The following MUC5AC variants were observed in gnomAD, a reference collection of about 807,000 sequenced individuals.
MUC5AC encodes the protein mucin 5AC, oligomeric mucus/gel-forming, also known as mucin-5AC.
Under a neutral mutation model 169.7 loss-of-function variants are expected in MUC5AC, and 158 were observed. The observed-to-expected ratio is 0.93, with a 90% CI of 0.82 to 1.06. The LOEUF (loss-of-function observed/expected upper bound fraction) is 1.06, where lower values mean the gene tolerates loss of function less well. MUC5AC is among the 50% of genes least tolerant of loss of function. The pLI is 0.00. For missense variants in MUC5AC, 4,359 were observed against 3,089.9 expected (o/e 1.41, Z -9.74); for synonymous variants, 1,975 against 1,237.0 (o/e 1.60, Z -12.52).
Position 1,178,587 on chromosome 11 carries a change from C to G in MUC5AC, c.3231C>G (p.Pro1077=). 1.4e-6 allele frequency: 2 copies of G among 1,414,530 alleles called. No homozygotes were observed. The highest frequency in any genetic ancestry group is 2.7e-5 in the East Asian group (1 of 36,836). The allele number at this position is 1,414,530 out of a possible 1,614,324, so 87.6% of individuals were successfully genotyped here. Residue 1077 remains proline, a synonymous_variant, in exon 25 of 49, where the codon CCC becomes CCG. Transcript: ENST00000621226. ...CCTCCTGCCCAGATGCCCTGGCGCC[C>G]AAGGACCCCTGCACGGCCAACCCCT... ...LSPSCPDALA[P]KDPCTANPFR...
In MUC5AC at chr11:1,165,436, C is replaced by A. The variant is rs1187907905; in HGVS notation, c.1247+17C>A. The A allele has an allele frequency of 3.4e-6, 5 of 1,455,702 alleles. No individual in the cohort carries two copies. The highest frequency in any genetic ancestry group is 1.8e-4 in the Middle Eastern group (1 of 5,432). The allele number at this position is 1,455,702 out of a possible 1,614,324, so 90.2% of individuals were successfully genotyped here. On this transcript the variant is annotated intron_variant, in intron 10 of 48. Transcript: ENST00000621226. ...CACCAACTGGTAGGTCCCAGCCCCCCTCCAGGCCACCAAGGATGTGCTATG... is the reference window on the plus strand; with the variant it reads ...CACCAACTGGTAGGTCCCAGCCCCCATCCAGGCCACCAAGGATGTGCTATG...
In MUC5AC at chr11:1,161,988, G is replaced by A. The variant is rs771896004; in HGVS notation, c.293G>A (p.Arg98His). 5.6e-6 allele frequency: 9 copies of A among 1,612,356 alleles called. No individual in the cohort carries two copies. The highest frequency in any genetic ancestry group is 1.6e-4 in the Middle Eastern group (1 of 6,062). ...HYKTFDGDVF[R>H]FPGLCNYVFS... ...AAGACCTTCGACGGCGACGTCTTCC[G>A]CTTCCCCGGCCTCTGCAACTACGTG... The change falls in exon 4 of 49, where the codon CGC (arginine) becomes CAC (histidine). Residue 98 changes from arginine to histidine, a missense_variant. Physicochemically the swap from Arg to His is conservative, Grantham distance 29. Coordinates refer to ENST00000621226, the MANE Select transcript of MUC5AC (RefSeq NM_001304359.2).
chr11:1,163,767 C>A, intron 6 of MUC5AC, 115 bp from the exon 7 acceptor site: 1 of 779,864 alleles, frequency 1.3e-6, no homozygotes, highest in Non-Finnish European at 2.1e-6. Context: ...CAGGAGCCAC[C>A]GATGGCCCTT....
In MUC5AC at chr11:1,165,318, C is replaced by CA; in HGVS notation, c.1147dup (p.Ile383AsnfsTer64). On this transcript the variant is annotated frameshift_variant, in exon 10 of 49. Coordinates refer to ENST00000621226, the MANE Select transcript of MUC5AC (RefSeq NM_001304359.2). LOFTEE classifies it high-confidence loss of function. Reference sequence around the variant, plus strand: ...CCCCTGCAGGGACGGTGCTTGACGACATCGGCCAGACCGGCTGTGTCCCTG... The same window carrying CA: ...CCCCTGCAGGGACGGTGCTTGACGACAATCGGCCAGACCGGCTGTGTCCCTG... The CA allele has an allele frequency of 2.5e-6, 4 of 1,612,100 alleles. No individual in the cohort carries two copies. The highest frequency in any genetic ancestry group is 3.4e-6 in the Non-Finnish European group (4 of 1,179,600).
intron 16 of MUC5AC, among the ~76,000 whole-genome samples, chr11:1,173,105 T>C (rs1259393617): frequency 4.0e-3 from 295 of 73,622 alleles, no homozygotes; most frequent in African/African-American, 0.033. Flanking sequence ...CACTCACTCA[T>C]TCATTCACTC....
intron 11 of MUC5AC, 104 bp from the exon 12 acceptor site, chr11:1,167,773 G>A: frequency 5.2e-6 from 5 of 953,890 alleles, no homozygotes; most frequent in East Asian, 2.6e-5. Context: ...GGTGGAGTGG[G>A]GTTTTCTAGT....
At chr11:1,179,950 A>T (rs879094481) in intron 26 of MUC5AC, 72 bp from the exon 27 acceptor site, 226,350 of 397,978 alleles carry the variant, frequency 0.57, 65,916 homozygotes, top group East Asian at 0.65. Context: ...CGGCTTTAGA[A>T]CAGCCCTGGG....
chr11:1,182,901 G>A lies in MUC5AC; in HGVS notation c.4756G>A (p.Glu1586Lys), dbSNP rs878969147. 1.4e-4 allele frequency: 57 copies of A among 398,692 alleles called. No homozygotes were observed. Among genetic ancestry groups the A allele is most frequent in the Non-Finnish European group, 2.2e-4 (49 of 226,230 alleles). The allele number at this position is 398,692 out of a possible 1,614,324, so 24.7% of individuals were successfully genotyped here. The change falls in exon 31 of 49, where the codon GAG (glutamate) becomes AAG (lysine). Residue 1586 changes from glutamate to lysine, a missense_variant. Transcript: ENST00000621226. ...CCTGCAGGAGCTTTGCACCTGGACC[G>A]AGTGGATCGATGGCAGCTACCCTGC... ...SCLQELCTWT[E>K]WIDGSYPAPG...
intron 6 of MUC5AC, 39 bp from the exon 7 acceptor site, chr11:1,163,843 G>C (rs750804199): frequency 1.3e-6 from 2 of 1,509,090 alleles, no homozygotes; most frequent in South Asian, 2.4e-5. Flanking sequence ...GACGGGTACC[G>C]GGACCTGCAG....
At position 1,164,392 on chromosome 11, in the gene MUC5AC, C is replaced by G. The variant is rs562822413; in HGVS notation, c.1004-15C>G. On this transcript the variant is annotated splice_polypyrimidine_tract_variant and intron_variant, in intron 8 of 48. Transcript: ENST00000621226. ...AGGGGCAGGCAGACGTGAGCCCTCT[C>G]TCTGCCTCCCGCAGCCCAGAAGTGC... The G allele has an allele frequency of 6.2e-7, 1 of 1,612,144 alleles. No individual in the cohort carries two copies. The highest frequency in any genetic ancestry group is 8.5e-7 in the Non-Finnish European group (1 of 1,179,644).
chr11:1,162,871 C>T (rs1860186033), intron 5 of MUC5AC, 84 bp from the exon 6 acceptor site: 2 of 1,382,650 alleles, frequency 1.4e-6, no homozygotes, highest in Admixed American at 1.7e-5. Flanking sequence ...GGGCCTCGGC[C>T]CCTCCTCGGA....
In MUC5AC at chr11:1,191,951, C is replaced by A. The variant is rs1439891928; in HGVS notation, c.13806C>A (p.Thr4602=). The change falls in exon 31 of 49, where the codon ACC becomes ACA. Residue 4602 remains threonine, a synonymous_variant. Transcript: ENST00000621226. ...TPSPVPTTST[T]PVSKTSTSHL... is the part of the protein sequence containing the mutation. Reference sequence around the variant, plus strand: ...GCCCCGTTCCCACCACCAGCACAACCCCTGTTTCAAAGACCAGCACAAGCC... The same window carrying A: ...GCCCCGTTCCCACCACCAGCACAACACCTGTTTCAAAGACCAGCACAAGCC... 1.3e-6 allele frequency: 1 copy of A among 765,282 alleles called. No homozygotes were observed. The highest frequency in any genetic ancestry group is 1.7e-5 in the Admixed American group (1 of 59,042). The allele number at this position is 765,282 out of a possible 1,614,324, so 47.4% of individuals were successfully genotyped here. A position where few individuals can be genotyped will look rare whatever the true frequency, so the allele number is the denominator to read the frequency against.
chr11:1,192,081 C>G lies in MUC5AC; in HGVS notation c.13936C>G (p.Pro4646Ala), dbSNP rs1861128766. ...CGACGTGGACTTCCCATCCCCTGGA[C>G]CCCACGGCGGGGACAAGGAAACCTA... ...WFDVDFPSPG[P>A]HGGDKETYNN... Residue 4646 changes from proline (P) to alanine (A), a missense_variant, in exon 31 of 49, where the codon CCC becomes GCC. Transcript: ENST00000621226. 1.3e-6 allele frequency: 1 copy of G among 765,008 alleles called. No homozygotes were observed. Among genetic ancestry groups the G allele is most frequent in the Admixed American group, 1.7e-5 (1 of 59,018 alleles). 47.4% of individuals were successfully genotyped at this position (765,008 alleles called of 1,614,324 possible).
rs1564909018 is a variant in MUC5AC at position 1,168,704 on chromosome 11, C to A, written c.1630C>A (p.Gln544Lys). The A allele has an allele frequency of 1.2e-6, 2 of 1,610,630 alleles. No homozygotes were observed. The highest frequency in any genetic ancestry group is 1.7e-6 in the Non-Finnish European group (2 of 1,178,216). ...CATCGCCCAGACCAGCCTGGGCCTG[C>A]AGCTGAACCTGCAGCTGGTGCCCAC... The part of the protein sequence containing the change: ...FIIAQTSLGL[Q>K]LNLQLVPTMQ... The change falls in exon 14 of 49, where the codon CAG (glutamine) becomes AAG (lysine). Residue 544 changes from glutamine (Q) to lysine (K), a missense_variant. Transcript: ENST00000621226.
In MUC5AC at chr11:1,165,417, C is replaced by A. The variant is rs373923677; in HGVS notation, c.1245C>A (p.Asn415Lys). The A allele has an allele frequency of 1.6e-4, 251 of 1,588,584 alleles. No individual in the cohort carries two copies. The highest frequency in any genetic ancestry group is 1.7e-4 in the Middle Eastern group (1 of 5,892). Reference sequence around the variant, plus strand: ...CCACCTACTCCACAGACTGCACCAACTGGTAGGTCCCAGCCCCCCTCCAGG... The same window carrying A: ...CCACCTACTCCACAGACTGCACCAAATGGTAGGTCCCAGCCCCCCTCCAGG... ...PGATYSTDCTNCTCSGGRWSC... is the reference protein window; with the variant it reads ...PGATYSTDCTKCTCSGGRWSC... The change falls in exon 10 of 49, where the codon AAC (asparagine) becomes AAA (lysine). Residue 415 changes from asparagine to lysine, a missense_variant and splice_region_variant. Physicochemically the swap from Asn to Lys is moderately conservative, Grantham distance 94 (BLOSUM62 0). Transcript: ENST00000621226.
intron 1 of MUC5AC, among the ~76,000 whole-genome samples, chr11:1,158,274 G>A (rs965800518): frequency 2.0e-5 from 3 of 152,336 alleles, no homozygotes; most frequent in Non-Finnish European, 2.9e-5. Flanking sequence ...TGGGCTTCGC[G>A]GACCTCTGAG....
In MUC5AC at chr11:1,192,340, C is replaced by A. The variant is rs80315560; in HGVS notation, c.14195C>A (p.Pro4732Gln). 3 of 765,108 alleles carry A rather than the reference C, an allele frequency of 3.9e-6. No individual in the cohort carries two copies. The highest frequency in any genetic ancestry group is 7.2e-6 in the Non-Finnish European group (3 of 417,898). The allele number at this position is 765,108 out of a possible 1,614,324, so 47.4% of individuals were successfully genotyped here. ...VLCCETPRGC[P>Q]VTSVTPYGTS... is the part of the protein sequence containing the mutation. Reference sequence around the variant, plus strand: ...TGCTGCGAGACCCCCAGAGGCTGCCCGGTGACCTCTGTGACCCCATATGGG... The same window carrying A: ...TGCTGCGAGACCCCCAGAGGCTGCCAGGTGACCTCTGTGACCCCATATGGG... Residue 4732 changes from proline (P) to glutamine (Q), a missense_variant, in exon 31 of 49, where the codon CCG (proline) becomes CAG (glutamine). Coordinates refer to ENST00000621226, the MANE Select transcript of MUC5AC (RefSeq NM_001304359.2).
At position 1,162,640 on chromosome 11, in the gene MUC5AC, C is replaced by A. The variant is rs747485376; in HGVS notation, c.582C>A (p.Ser194Arg). 4.3e-6 allele frequency: 7 copies of A among 1,612,544 alleles called. No individual in the cohort carries two copies. The highest frequency in any genetic ancestry group is 5.9e-6 in the Non-Finnish European group (7 of 1,179,668). Residue 194 changes from serine to arginine, a missense_variant, in exon 5 of 49, where the codon AGC becomes AGA. Ser to Arg is a moderately radical substitution (Grantham distance 110). Coordinates refer to ENST00000621226, the MANE Select transcript of MUC5AC (RefSeq NM_001304359.2). ...GLVLMWNHDDSLLLELDTKYA... is the reference protein window; with the variant it reads ...GLVLMWNHDDRLLLELDTKYA... ...TCCTCATGTGGAACCACGATGACAG[C>A]CTGCTGGTGAGGCTGGGTGGGGGTG...
chr11:1,176,807 AG>A, intron 21 of MUC5AC, 120 bp from the exon 22 acceptor site: 1 of 398,648 alleles, frequency 2.5e-6, no homozygotes, highest in Non-Finnish European at 4.4e-6. Context: ...CAGCAGCCCC[AG>A]CCAGGGAGGC....
Sources: allele counts gnomAD v4.1 joint callset (sites outside exome capture counted in the v4.1 genomes callset), GRCh38; gene constraint gnomAD v4.1.1; transcripts MANE v1.5; gene names NCBI Gene and HGNC (gene_info 2026-07-23, HGNC 2026-07-21).